The following NXPH2 variants were observed in gnomAD, a reference collection of about 807,000 sequenced individuals.
The protein encoded by NXPH2 is neurexophilin 2, also known as neurexophilin-2.
In NXPH2, 5 loss-of-function variants were observed where a neutral mutation model predicts 19.8. That is an observed-to-expected ratio of 0.25 (90% confidence interval 0.13 to 0.53). NXPH2 has a LOEUF of 0.53. NXPH2 is among the 20% of genes least tolerant of loss of function. The probability of loss-of-function intolerance (pLI) is 0.96; values close to 1 mark genes in which losing one functional copy is unlikely to be tolerated. For missense variants in NXPH2, 289 were observed against 322.8 expected (o/e 0.90, Z 0.80); for synonymous variants, 154 against 127.4 (o/e 1.21, Z -1.41).
rs751249972 is a variant in NXPH2 at position 138,774,549 on chromosome 2, A to C, written c.51+5642T>G. Among the ~76,000 whole-genome samples, 8 of 152,368 alleles carry C rather than the reference A, an allele frequency of 5.3e-5. No homozygotes were observed. The East Asian group carries it at 1.2e-3, about 22-fold the overall frequency. ...GAACCCCTGTTACAACATATTAAAAAAGGAGAGATGTTAAAAACAAATTTT... is the reference window on the plus strand; with the variant it reads ...GAACCCCTGTTACAACATATTAAAACAGGAGAGATGTTAAAAACAAATTTT... On this transcript the variant is annotated intron_variant, in intron 1 of 1. Coordinates refer to ENST00000272641, the MANE Select transcript of NXPH2 (RefSeq NM_007226.3).
At chr2:138,705,627 T>C (rs1687153081) in intron 1 of NXPH2, among the ~76,000 whole-genome samples, 1 of 152,200 alleles carries the variant, frequency 6.6e-6, no homozygotes, top group South Asian at 2.1e-4. Context: ...TGCCTGTCTT[T>C]GAACGTGGTG....
rs903115594 is a variant in NXPH2 at position 138,772,258 on chromosome 2, C to G, written c.51+7933G>C. ...ACTTAACATGAAAATGGCATTAAAG[C>G]TGAGACCCTTGGCAACTGGCCTCCA... On this transcript the variant is annotated intron_variant, in intron 1 of 1. Transcript: ENST00000272641. 8.5e-5 allele frequency among the ~76,000 whole-genome samples: 13 copies of G among 152,152 alleles called. 1 individual carries two copies. The highest frequency in any genetic ancestry group is 8.5e-4 in the Admixed American group (13 of 15,278).
intron 1 of NXPH2, among the ~76,000 whole-genome samples, chr2:138,731,545 G>A (rs1012462602): frequency 2.6e-5 from 4 of 151,886 alleles, no homozygotes; most frequent in African/African-American, 9.7e-5. Flanking sequence ...ATAATGATTG[G>A]GCTAAAAATG....
rs185669373 is a variant in NXPH2, at chr2:138,679,027, C to T, written c.52-7362G>A. ...TTCTATGACAGTCAGATATTTTCCA[C>T]GTTTATAGGATAACGCTTTCCTACA... On this transcript the variant is annotated intron_variant, in intron 1 of 1. Transcript: ENST00000272641. 5.3e-5 allele frequency among the ~76,000 whole-genome samples: 8 copies of T among 152,244 alleles called. No individual in the cohort carries two copies. In the East Asian group the frequency reaches 9.6e-4, roughly 18 times the overall value.
intron 1 of NXPH2, among the ~76,000 whole-genome samples, chr2:138,776,869 A>T (rs996029974): frequency 6.6e-5 from 10 of 152,042 alleles, no homozygotes; most frequent in Non-Finnish European, 1.3e-4. Flanking sequence ...GGTACTAAAA[A>T]GATGAACTTA....
At chr2:138,707,104 A>AAAAAAAAAAAAAAAAAAAAAAG (rs1681028874) in intron 1 of NXPH2, among the ~76,000 whole-genome samples, 2 of 146,354 alleles carry the variant, frequency 1.4e-5, no homozygotes, top group Non-Finnish European at 3.0e-5. Flanking sequence ...CAAAAAAAAA[A>AAAAAAAAAAAAAAAAAAAAAAG]AAAAAAAAGA....
chr2:138,708,434 T>G (rs1460317705), intron 1 of NXPH2, among the ~76,000 whole-genome samples: 1 of 152,232 alleles, frequency 6.6e-6, no homozygotes, highest in East Asian at 1.9e-4. Context: ...TAAAAATAAT[T>G]TCATTAATGG....
At chr2:138,710,278 T>C (rs183648077) in intron 1 of NXPH2, among the ~76,000 whole-genome samples, 18 of 152,306 alleles carry the variant, frequency 1.2e-4, no homozygotes, top group African/African-American at 2.9e-4. Context: ...TTTAATTGTA[T>C]GTATGTACCA....
At chr2:138,772,831 C>T (rs1477804973) in intron 1 of NXPH2, among the ~76,000 whole-genome samples, 1 of 152,116 alleles carries the variant, frequency 6.6e-6, no homozygotes, top group African/African-American at 2.4e-5. Flanking sequence ...GTGGATGATT[C>T]GAATTTACAA....
chr2:138,685,699 A>G (rs1212283229), intron 1 of NXPH2, among the ~76,000 whole-genome samples: 1 of 152,198 alleles, frequency 6.6e-6, no homozygotes, highest in African/African-American at 2.4e-5. Context: ...GTTCTACTAA[A>G]TGCTTATTGC....
intron 1 of NXPH2, among the ~76,000 whole-genome samples, chr2:138,688,208 G>A (rs1368197324): frequency 6.6e-6 from 1 of 152,102 alleles, no homozygotes; most frequent in Non-Finnish European, 1.5e-5. Context: ...GTTGGAGATG[G>A]AGTCTTGCTC....
chr2:138,733,326 C>T (rs546500501), intron 1 of NXPH2, among the ~76,000 whole-genome samples: 10 of 152,130 alleles, frequency 6.6e-5, no homozygotes, highest in Admixed American at 1.3e-4. Flanking sequence ...AGAACGGATG[C>T]GAAGTTACAC....
In NXPH2 at chr2:138,670,093, A is replaced by T. The variant is rs1334646236; in HGVS notation, c.*829T>A. Among the ~76,000 whole-genome samples the T allele has an allele frequency of 6.6e-6, 1 of 152,232 alleles. No homozygotes were observed. Among genetic ancestry groups the T allele is most frequent in the Non-Finnish European group, 1.5e-5 (1 of 68,048 alleles). On this transcript the variant is annotated 3_prime_UTR_variant, in exon 2 of 2. Transcript: ENST00000272641. ...TGTAAAGAATCACACTATCGAATGA[A>T]TTGAATAAAGCTCTAAGCTATAGGA...
intron 1 of NXPH2, among the ~76,000 whole-genome samples, chr2:138,710,771 T>C (rs985279566): frequency 6.6e-6 from 1 of 152,178 alleles, no homozygotes; most frequent in African/African-American, 2.4e-5. Flanking sequence ...TCTCCTAACA[T>C]AACCTTGATT....
chr2:138,726,344 T>C (rs1192917415), intron 1 of NXPH2, among the ~76,000 whole-genome samples: 1 of 152,158 alleles, frequency 6.6e-6, no homozygotes, highest in Non-Finnish European at 1.5e-5. Flanking sequence ...CAGGTCGGCC[T>C]GCCAACTTAG....
chr2:138,686,021 A>T (rs969389305), intron 1 of NXPH2, among the ~76,000 whole-genome samples: 4 of 152,228 alleles, frequency 2.6e-5, no homozygotes, highest in African/African-American at 4.8e-5. Flanking sequence ...CCTAACAAAA[A>T]TTGAAAAAAT....
At chr2:138,690,117 C>T (rs540541635) in intron 1 of NXPH2, among the ~76,000 whole-genome samples, 69 of 152,324 alleles carry the variant, frequency 4.5e-4, no homozygotes, top group Non-Finnish European at 7.5e-4. Flanking sequence ...GTTTTCTACT[C>T]CCTTGGCACA....
intron 1 of NXPH2, among the ~76,000 whole-genome samples, chr2:138,704,823 A>ATT (rs70982013): frequency 1.2e-4 from 17 of 139,520 alleles, no homozygotes; most frequent in African/African-American, 4.3e-4. Context: ...CGCCCAGCTA[A>ATT]TTTTTTTTTT....
At chr2:138,733,879 T>A (rs913491027) in intron 1 of NXPH2, among the ~76,000 whole-genome samples, 6 of 152,156 alleles carry the variant, frequency 3.9e-5, no homozygotes, top group Admixed American at 6.5e-5. Context: ...GATTTGCAAC[T>A]ACATCAGGAA....
Sources: gnomAD v4.1 joint callset for allele counts (sites outside exome capture counted in the v4.1 genomes callset) on GRCh38, gnomAD v4.1.1 for gene constraint, MANE v1.5 for transcripts, NCBI Gene and HGNC (gene_info 2026-07-23, HGNC 2026-07-21) for gene names.